LRRK1: variants seen among roughly 807,000 people sequenced by gnomAD.
LRRK1 encodes leucine rich repeat kinase 1.
Under a neutral mutation model 209.1 loss-of-function variants are expected in LRRK1, and 113 were observed. The observed-to-expected ratio is 0.54, with a 90% CI of 0.46 to 0.63. The LOEUF is 0.63. Ranked by LOEUF, LRRK1 falls within the 30% of genes least tolerant of loss-of-function variation. LRRK1 has a pLI of 0.00. For missense variants in LRRK1, 2,284 were observed against 2,632.2 expected (o/e 0.87, Z 2.89); for synonymous variants, 1,144 against 1,099.7 (o/e 1.04, Z -0.80).
intron 31 of LRRK1, among the ~76,000 whole-genome samples, chr15:101,063,900 G>A (rs935504299): frequency 9.2e-5 from 14 of 152,010 alleles, no homozygotes; most frequent in Non-Finnish European, 1.3e-4. Context: ...GACCAGGCCC[G>A]TACCAGAGCG....
chr15:101,065,773 T>A lies in LRRK1; in HGVS notation c.5336T>A (p.Val1779Asp), dbSNP rs3764738. Residue 1779 changes from valine to aspartate, a missense_variant, in exon 32 of 34, where the codon GTC (valine) becomes GAC (aspartate). Physicochemically the swap from Val to Asp is radical, Grantham distance 152. Coordinates refer to ENST00000388948, the MANE Select transcript of LRRK1 (RefSeq NM_024652.6). ...CTGTGTGCCCGGTACTTCTGCGGGG[T>A]CCCCAGCCCCCTCAGGGACATGTTT... The part of the protein sequence containing the change: ...YQLCARYFCG[V>D]PSPLRDMFPV... 7.5e-4 allele frequency: 1,215 copies of A among 1,613,870 alleles called. 28 individuals carry two copies. In the East Asian group the frequency reaches 0.022, roughly 29 times the overall value.
chr15:100,951,060 G>A (rs569475693), intron 2 of LRRK1, among the ~76,000 whole-genome samples: 26 of 152,320 alleles, frequency 1.7e-4, no homozygotes, highest in East Asian at 9.7e-4. Context: ...CAGAGGTTGC[G>A]CCACCGCACT....
intron 23 of LRRK1, 114 bp from the exon 24 acceptor site, chr15:101,051,587 TACAGGCCAGG>T (rs2035441367): frequency 7.9e-7 from 1 of 1,266,528 alleles, no homozygotes; most frequent in African/African-American, 1.5e-5. Context: ...GTCTCTTGGG[TACAGGCCAGG>T]ACAGGCAGCT....
At chr15:100,984,262 GTT>G (rs2031754035) in intron 4 of LRRK1, among the ~76,000 whole-genome samples, 1 of 152,208 alleles carries the variant, frequency 6.6e-6, no homozygotes, top group Non-Finnish European at 1.5e-5. Context: ...CTATAACTCT[GTT>G]TTGTGTTAGT....
intron 2 of LRRK1, among the ~76,000 whole-genome samples, chr15:100,964,276 C>T (rs141139177): frequency 1.3e-5 from 2 of 152,330 alleles, no homozygotes; most frequent in African/African-American, 4.8e-5. Flanking sequence ...CCAACCTCCA[C>T]ATCTTTCCCA....
chr15:101,021,235 A>C (rs1403212072), intron 13 of LRRK1, 53 bp downstream of exon 13: 4 of 1,603,648 alleles, frequency 2.5e-6, no homozygotes, highest in African/African-American at 2.7e-5. Context: ...AGAGAGGCAG[A>C]ACGCCCATCC....
In LRRK1 at chr15:101,024,740, TTTGA is replaced by T; in HGVS notation, c.2068-58_2068-55del. On this transcript the variant is annotated intron_variant, in intron 15 of 33. Transcript: ENST00000388948. This position sits in a 1 kb window ranked among gnomAD's most constrained non-coding sequence, Gnocchi z 4.6. The stretch of plus-strand genomic sequence containing the variant: ...CCTCCAGAGTTATCCGTTGTCTCCG[TTTGA>T]TTGACTGAAGCCTTTGTCTCTAAAA... 3 of 1,549,336 alleles carry T rather than the reference TTTGA, an allele frequency of 1.9e-6. No individual in the cohort carries two copies. The highest frequency in any genetic ancestry group is 1.7e-4 in the Middle Eastern group (1 of 5,816).
intron 15 of LRRK1, among the ~76,000 whole-genome samples, chr15:101,023,597 C>A (rs1431046960): frequency 6.6e-6 from 1 of 152,192 alleles, no homozygotes; most frequent in East Asian, 1.9e-4. Context: ...GGGCAAGAGG[C>A]TGCTTCACTG....
In LRRK1 at chr15:101,056,888, C is replaced by G. The variant is rs61733306; in HGVS notation, c.4365C>G (p.Tyr1455Ter). ...VDMFSYGMVL[Y>*]ELLSGQRPAL... ...TGTTCTCCTATGGAATGGTGCTCTA[C>G]GAGTTGCTGTCAGGACAGCGCCCTG... is the stretch of plus-strand genomic sequence containing the variant. The change falls in exon 28 of 34, where the codon TAC (tyrosine) becomes TAG (stop). Residue 1455 changes from tyrosine (Y) to a stop codon, truncating the protein, a stop_gained. Coordinates refer to ENST00000388948, the MANE Select transcript of LRRK1 (RefSeq NM_024652.6). LOFTEE classifies it high-confidence loss of function. 8 of 1,612,884 alleles carry G rather than the reference C, an allele frequency of 5.0e-6. No individual in the cohort carries two copies. The highest frequency in any genetic ancestry group is 6.8e-6 in the Non-Finnish European group (8 of 1,179,490).
chr15:100,923,887 A>C (rs1050102804), intron 1 of LRRK1, among the ~76,000 whole-genome samples: 3 of 152,190 alleles, frequency 2.0e-5, no homozygotes, highest in African/African-American at 7.2e-5. Flanking sequence ...GACATTGCCA[A>C]ATGTCCCCTG....
Position 101,015,346 on chromosome 15 carries a change from C to G in LRRK1, c.1553C>G (p.Thr518Arg). The change falls in exon 12 of 34, where the codon ACG becomes AGG. Residue 518 changes from threonine (T) to arginine (R), a missense_variant. Transcript: ENST00000388948. ...QLGKNEDGLK[T>R]KRIAFFTTRG... ...CCCAGAAATGAAGATGGACTGAAAA[C>G]GAAGCGTATTGCCTTTTTCACCACC... 6.2e-7 allele frequency: 1 copy of G among 1,613,748 alleles called. No homozygotes were observed. Among genetic ancestry groups the G allele is most frequent in the Non-Finnish European group, 8.5e-7 (1 of 1,179,794 alleles).
chr15:101,056,726 T>C, intron 27 of LRRK1, 130 bp from the exon 28 acceptor site: 3 of 634,858 alleles, frequency 4.7e-6, no homozygotes. Flanking sequence ...TAGAGGGACA[T>C]GGTCAGGTGG....
chr15:101,068,870 A>G lies in LRRK1; in HGVS notation c.*22A>G, dbSNP rs746518172. On this transcript the variant is annotated 3_prime_UTR_variant, in exon 34 of 34. Coordinates refer to ENST00000388948, the MANE Select transcript of LRRK1 (RefSeq NM_024652.6). ...GTAATTCCTGTGGAATGACTGTCAC[A>G]CATCAGAGCTGGCTGGCCCGGGGCT... 8 of 1,567,070 alleles carry G rather than the reference A, an allele frequency of 5.1e-6. No homozygotes were observed. In the South Asian group the frequency reaches 9.5e-5, roughly 19 times the overall value.
chr15:100,920,911 TTGCCCCAGGCCACA>T, intron 1 of LRRK1, among the ~76,000 whole-genome samples: 1 of 152,202 alleles, frequency 6.6e-6, no homozygotes, highest in South Asian at 2.1e-4. Context: ...CACCAGGCCA[TTGCCCCAGGCCACA>T]CTGGCTGAGC....
chr15:101,007,527 A>C (rs2033017604), intron 6 of LRRK1, among the ~76,000 whole-genome samples: 1 of 152,216 alleles, frequency 6.6e-6, no homozygotes, highest in African/African-American at 2.4e-5. Flanking sequence ...TGGAGCAAAG[A>C]CATTTTGTTT....
chr15:101,057,563 C>T (rs896456594), intron 28 of LRRK1, among the ~76,000 whole-genome samples: 1 of 152,158 alleles, frequency 6.6e-6, no homozygotes, highest in Non-Finnish European at 1.5e-5. Flanking sequence ...GAACGCATGT[C>T]CTTATCTGGG....
At chr15:100,970,668 A>G (rs1246482064) in intron 2 of LRRK1, among the ~76,000 whole-genome samples, 1 of 152,148 alleles carries the variant, frequency 6.6e-6, no homozygotes, top group Non-Finnish European at 1.5e-5. Context: ...AGGTCTTTCA[A>G]ATTTCCATAT....
intron 2 of LRRK1, 113 bp from the exon 3 acceptor site, chr15:100,973,691 C>T (rs2031099332): frequency 9.4e-7 from 1 of 1,064,544 alleles, no homozygotes; most frequent in South Asian, 4.8e-5. Flanking sequence ...CTTCCTGAAG[C>T]CCCCGCGATC....
intron 3 of LRRK1, among the ~76,000 whole-genome samples, chr15:100,981,488 C>A (rs924268814): frequency 2.0e-5 from 3 of 152,142 alleles, no homozygotes; most frequent in African/African-American, 4.8e-5. Flanking sequence ...TTAGACTGTT[C>A]CTCTCCTCAC....
Sources: gnomAD v4.1 joint callset for allele counts (sites outside exome capture counted in the v4.1 genomes callset) on GRCh38, gnomAD v4.1.1 for gene constraint, Gnocchi (gnomAD v3.1) non-coding constraint, MANE v1.5 for transcripts, NCBI Gene and HGNC (gene_info 2026-07-23, HGNC 2026-07-21) for gene names.